Variants in GPHN observed in about 807,000 individuals in gnomAD.
The protein encoded by GPHN is gephyrin.
GPHN carries 17 observed loss-of-function variants against 95.5 expected under a neutral mutation model. That is an observed-to-expected ratio of 0.18 (90% CI 0.12 to 0.27). The LOEUF is 0.27. Among genes scored for constraint, GPHN ranks in the 10% least tolerant of loss-of-function variants. The probability of loss-of-function intolerance (pLI) is 1.00; values close to 1 mark genes in which losing one functional copy is unlikely to be tolerated. For missense variants in GPHN, 660 were observed against 978.1 expected, an observed-to-expected ratio of 0.67 and a Z score of 4.34; for synonymous variants, 320 against 322.5, an observed-to-expected ratio of 0.99 and a Z score of 0.08.
the GPHN span, chr14:67,684,911 G>T: frequency 1.2e-6 from 1 of 865,046 alleles, no homozygotes; most frequent in Non-Finnish European, 1.7e-6. Flanking sequence ...AAAGACAAAA[G>T]CTATATGAGA....
intron 1 of GPHN, among the ~76,000 whole-genome samples, chr14:66,551,863 A>G (rs2059824741): frequency 1.3e-5 from 2 of 152,158 alleles, no homozygotes; most frequent in Non-Finnish European, 1.5e-5. Context: ...GCAAGGGGGA[A>G]TCCATCTCCA....
the GPHN span, among the ~76,000 whole-genome samples, chr14:67,631,430 CTTTCTTTTTTTT>C: frequency 1.2e-4 from 16 of 128,490 alleles, no homozygotes; most frequent in Non-Finnish European, 1.7e-4. Context: ...TCCTTTCTTT[CTTTCTTTTTTTT>C]TTTTTTTTTT....
At chr14:66,790,270 C>G (rs995029740) in intron 3 of GPHN, among the ~76,000 whole-genome samples, 1 of 152,092 alleles carries the variant, frequency 6.6e-6, no homozygotes, top group Admixed American at 6.6e-5. Flanking sequence ...AAGTTTAAGA[C>G]AGTTCATGGA....
At chr14:67,492,921 A>T in the GPHN span, among the ~76,000 whole-genome samples, 1 of 152,212 alleles carries the variant, frequency 6.6e-6, no homozygotes, top group Non-Finnish European at 1.5e-5. Flanking sequence ...AGCTCTAAAC[A>T]TACTATAAGT....
intron 21 of GPHN, among the ~76,000 whole-genome samples, chr14:67,170,695 A>G (rs2082549976): frequency 6.6e-6 from 1 of 152,178 alleles, no homozygotes; most frequent in Non-Finnish European, 1.5e-5. Flanking sequence ...AAATCAGTCA[A>G]ATGCCTTTCT....
rs573918210 is a variant in GPHN, at chr14:66,724,328, T to A, written c.143+43143T>A. 5.9e-5 allele frequency among the ~76,000 whole-genome samples: 9 copies of A among 152,290 alleles called. No homozygotes were observed. The East Asian group carries it at 1.7e-3, about 29-fold the overall frequency. On this transcript the variant is annotated intron_variant, in intron 2 of 22. Coordinates refer to ENST00000478722, the MANE Select transcript of GPHN (RefSeq NM_020806.5). Reference sequence around the variant, plus strand: ...TCAGATCTTCCAATCATAAGTAGTATAATGGCAGCTGTGGACAAAACTTCA... The same window carrying A: ...TCAGATCTTCCAATCATAAGTAGTAAAATGGCAGCTGTGGACAAAACTTCA...
chr14:66,881,222 G>A (rs934140516), intron 5 of GPHN, among the ~76,000 whole-genome samples: 1 of 151,784 alleles, frequency 6.6e-6, no homozygotes, highest in Non-Finnish European at 1.5e-5. Flanking sequence ...TTTAGTAAAA[G>A]CAAATAAAGA....
chr14:67,427,543 C>T, the GPHN span, among the ~76,000 whole-genome samples: 1 of 152,262 alleles, frequency 6.6e-6, no homozygotes, highest in East Asian at 1.9e-4. Context: ...AACCCCAGGT[C>T]GGCGGCCCAG....
the GPHN span, among the ~76,000 whole-genome samples, chr14:67,248,800 A>G: frequency 6.6e-6 from 1 of 152,112 alleles, no homozygotes; most frequent in East Asian, 1.9e-4. Flanking sequence ...TGACCTCTGG[A>G]CTTAGTTTAC....
At chr14:67,461,391 T>C in the GPHN span, among the ~76,000 whole-genome samples, 1 of 152,220 alleles carries the variant, frequency 6.6e-6, no homozygotes, top group East Asian at 1.9e-4. Context: ...TGAATCTTTG[T>C]TGGGCAATCA....
chr14:66,829,926 C>T (rs894705020), intron 4 of GPHN, among the ~76,000 whole-genome samples: 1 of 152,038 alleles, frequency 6.6e-6, no homozygotes, highest in African/African-American at 2.4e-5. Context: ...ATATATTTTA[C>T]ATTTTTAAAT....
At chr14:67,218,098 G>C in the GPHN span, among the ~76,000 whole-genome samples, 1 of 152,172 alleles carries the variant, frequency 6.6e-6, no homozygotes, top group Non-Finnish European at 1.5e-5. Context: ...CAGTGGTGCA[G>C]CTTTGCCAGG....
chr14:66,913,503 G>A (rs774025903), intron 5 of GPHN, among the ~76,000 whole-genome samples: 3 of 151,886 alleles, frequency 2.0e-5, no homozygotes, highest in Admixed American at 6.6e-5. Context: ...TACCACACCC[G>A]GCTAATTTTT....
At chr14:66,676,346 C>G (rs904204572) in intron 1 of GPHN, among the ~76,000 whole-genome samples, 1 of 152,036 alleles carries the variant, frequency 6.6e-6, no homozygotes, top group Non-Finnish European at 1.5e-5. Context: ...CCAGTTCTAT[C>G]TTAAATACAA....
intron 2 of GPHN, among the ~76,000 whole-genome samples, chr14:66,685,952 G>A (rs1003413858): frequency 2.0e-5 from 3 of 152,066 alleles, no homozygotes; most frequent in Non-Finnish European, 4.4e-5. Flanking sequence ...TCCAGTTTCA[G>A]CTTTCTACAT....
chr14:67,235,272 G>T, the GPHN span, among the ~76,000 whole-genome samples: 15 of 152,206 alleles, frequency 9.9e-5, no homozygotes, highest in African/African-American at 3.6e-4. Context: ...AAGTGTGATT[G>T]GGAGCTTGGT....
At chr14:66,572,626 T>G (rs1453565369) in intron 1 of GPHN, among the ~76,000 whole-genome samples, 1 of 152,132 alleles carries the variant, frequency 6.6e-6, no homozygotes, top group Non-Finnish European at 1.5e-5. Context: ...TCTTAAAACT[T>G]TACTGAATCT....
intron 21 of GPHN, among the ~76,000 whole-genome samples, chr14:67,177,036 TTCACTGA>T (rs765605683): frequency 2.0e-5 from 3 of 152,206 alleles, no homozygotes; most frequent in Non-Finnish European, 4.4e-5. Flanking sequence ...AGCTCCTGGA[TTCACTGA>T]TTTTTTTGAA....
At chr14:67,338,480 C>T in the GPHN span, 1 of 898,522 alleles carries the variant, frequency 1.1e-6, no homozygotes, top group South Asian at 2.0e-5. Context: ...AAAGTAATCC[C>T]ATAAATAGAC....
Sources: allele counts gnomAD v4.1 joint callset (sites outside exome capture counted in the v4.1 genomes callset), GRCh38; gene constraint gnomAD v4.1.1; transcripts MANE v1.5; gene names NCBI Gene and HGNC (gene_info 2026-07-23, HGNC 2026-07-21).